Variants in PAH observed in about 807,000 individuals in gnomAD.
The protein encoded by PAH is phenylalanine hydroxylase.
Under a neutral mutation model 62.0 loss-of-function variants are expected in PAH, and 64 were observed. The ratio of observed to expected loss-of-function variants is 1.03; its 90% CI spans 0.84 to 1.27. The LOEUF (loss-of-function observed/expected upper bound fraction) is 1.27. PAH is among the 50% of genes most tolerant of loss of function. The pLI is 0.00. For missense variants in PAH, 579 were observed against 542.8 expected (o/e 1.07, Z -0.66); for synonymous variants, 195 against 196.2 (o/e 0.99, Z 0.05).
intron 3 of PAH, among the ~76,000 whole-genome samples, chr12:102,892,570 C>A (rs560180618): frequency 8.5e-5 from 13 of 152,268 alleles, no homozygotes; most frequent in African/African-American, 2.6e-4. Flanking sequence ...AATAAACAAA[C>A]TGTGGTACAT....
In PAH at chr12:102,866,658, A is replaced by G. The variant is rs770990005; in HGVS notation, c.447T>C (p.Phe149=). Residue 149 remains phenylalanine, a synonymous_variant, in exon 5 of 13, where the codon TTT becomes TTC. Transcript: ENST00000553106. ...GAELDADHPG[F]KDPVYRARRK... ...GTCTTGCACGGTACACAGGATCTTT[A>G]AAACCCTAGGAGAAAAGAGACACCT... 3 of 1,613,434 alleles carry G rather than the reference A, an allele frequency of 1.9e-6. No individual in the cohort carries two copies. Among genetic ancestry groups the G allele is most frequent in the South Asian group, 2.2e-5 (2 of 91,076 alleles).
rs1178260196 is a variant in PAH at position 102,895,867 on chromosome 12, AAAATAT to A, written c.169-955_169-950del. ...GAGACTCTGTCTCAAAAAAAAAAAA[AAAATAT>A]ATATATATATATATATATGTATATA... On this transcript the variant is annotated intron_variant, in intron 2 of 12. Transcript: ENST00000553106. Among the ~76,000 whole-genome samples the A allele has an allele frequency of 4.0e-5, 5 of 126,284 alleles. No homozygotes were observed. In the East Asian group the frequency reaches 8.2e-4, roughly 21 times the overall value. The allele number at this position is 126,284 out of a possible 152,430, so 82.8% of individuals were successfully genotyped here.
chr12:102,912,683 C>T, intron 2 of PAH, 108 bp downstream of exon 2: 1 of 828,178 alleles, frequency 1.2e-6, no homozygotes, highest in Admixed American at 1.8e-5. Flanking sequence ...AGCTCAAATT[C>T]AAATCTGCCT....
intron 3 of PAH, among the ~76,000 whole-genome samples, chr12:102,878,865 G>A (rs984315361): frequency 6.6e-6 from 1 of 152,080 alleles, no homozygotes; most frequent in Non-Finnish European, 1.5e-5. Flanking sequence ...CCCCTCTTGC[G>A]CGGGTAAGAA....
chr12:102,865,699 C>T (rs1356330891), intron 5 of PAH, among the ~76,000 whole-genome samples: 2 of 152,286 alleles, frequency 1.3e-5, no homozygotes, highest in African/African-American at 2.4e-5. Flanking sequence ...AAAGACAGCA[C>T]ATTTTTGAAT....
At chr12:102,895,865 AAAAAAT>A (rs796122539) in intron 2 of PAH, among the ~76,000 whole-genome samples, 80 of 129,502 alleles carry the variant, frequency 6.2e-4, no homozygotes, top group South Asian at 5.5e-3. Context: ...AAAAAAAAAA[AAAAAAT>A]ATATATATAT....
intron 1 of PAH, chr12:102,946,675 TC>T: frequency 6.5e-6 from 1 of 152,768 alleles, no homozygotes; most frequent in South Asian, 2.1e-4. Flanking sequence ...TTCAAGACTG[TC>T]TTTTCTACCT....
rs62644467 is a variant in PAH at position 102,840,478 on chromosome 12, G to A, written c.1237C>T (p.Arg413Cys). 43 of 1,613,832 alleles carry A rather than the reference G, an allele frequency of 2.7e-5. No individual in the cohort carries two copies. Among genetic ancestry groups the A allele is most frequent in the Admixed American group, 6.7e-5 (4 of 59,990 alleles). Residue 413 changes from arginine (R) to cysteine (C), a missense_variant, in exon 12 of 13, where the codon CGC becomes TGC. Arg to Cys is a radical substitution (Grantham distance 180). Coordinates refer to ENST00000553106, the MANE Select transcript of PAH (RefSeq NM_000277.3). ...ATCCTTTGGGTGTATGGGTCGTAGC[G>A]AACTGAGAAGGGCCGAGGTATTGTG... ...AATIPRPFSVRYDPYTQRIEV... is the reference protein window; with the variant it reads ...AATIPRPFSVCYDPYTQRIEV...
At chr12:102,878,994 C>G (rs1222900102) in intron 3 of PAH, among the ~76,000 whole-genome samples, 1 of 152,082 alleles carries the variant, frequency 6.6e-6, no homozygotes, top group Non-Finnish European at 1.5e-5. Flanking sequence ...GAAGTGAGTG[C>G]AAGGCTTCCA....
chr12:102,838,887 A>T lies in PAH; in HGVS notation c.*288T>A, dbSNP rs1207315711. 2 of 462,192 alleles carry T rather than the reference A, an allele frequency of 4.3e-6. No individual in the cohort carries two copies. Among genetic ancestry groups the T allele is most frequent in the African/African-American group, 2.0e-5 (1 of 51,042 alleles). The allele number at this position is 462,192 out of a possible 1,614,324, so 28.6% of individuals were successfully genotyped here. ...ATGAAGCAGGTCCCAAATTTTAATT[A>T]ATCTTGATGAAATGCGACAGATTAC... On this transcript the variant is annotated 3_prime_UTR_variant, in exon 13 of 13. Transcript: ENST00000553106.
intron 6 of PAH, chr12:102,853,430 G>A (rs926970048): frequency 4.5e-6 from 1 of 221,418 alleles, no homozygotes; most frequent in African/African-American, 2.3e-5. Context: ...CCCATAAGTA[G>A]CAGTGACCTG....
intron 5 of PAH, among the ~76,000 whole-genome samples, chr12:102,855,845 C>A (rs904529472): frequency 1.3e-5 from 2 of 152,024 alleles, no homozygotes; most frequent in African/African-American, 4.8e-5. Flanking sequence ...ATGTAGGCCA[C>A]GAATCTGAGA....
At chr12:102,911,684 T>C (rs1016285337) in intron 2 of PAH, among the ~76,000 whole-genome samples, 1 of 152,232 alleles carries the variant, frequency 6.6e-6, no homozygotes, top group African/African-American at 2.4e-5. Flanking sequence ...TTTCTCTTCC[T>C]TACAATTTCT....
rs891156232 is a variant in PAH, at chr12:102,957,168, A to C, written c.-96+1027T>G. Among the ~76,000 whole-genome samples, 2 of 152,312 alleles carry C rather than the reference A, an allele frequency of 1.3e-5. No homozygotes were observed. The highest frequency in any genetic ancestry group is 1.3e-4 in the Admixed American group (2 of 15,304). The stretch of plus-strand genomic sequence containing the variant: ...GAGAGAGAGAAAACAGGAAAAGTCG[A>C]GCCCCACTCCCTCCTCACCTCCACA... On this transcript the variant is annotated intron_variant, in intron 1 of 4. Coordinates refer to the PAH transcript ENST00000551337. The surrounding 1 kb of genome is among the most constrained non-coding windows in gnomAD (Gnocchi z 4.1).
chr12:102,853,829 AT>A (rs1430404264), intron 6 of PAH, among the ~76,000 whole-genome samples: 1 of 152,198 alleles, frequency 6.6e-6, no homozygotes, highest in African/African-American at 2.4e-5. Context: ...TACTTTAGAT[AT>A]GCTACTAATC....
At chr12:102,850,028 C>T (rs2136643219) in intron 8 of PAH, among the ~76,000 whole-genome samples, 1 of 152,300 alleles carries the variant, frequency 6.6e-6, no homozygotes, top group Non-Finnish European at 1.5e-5. Context: ...AGGAGGACTG[C>T]CACTTAGCCT....
In PAH at chr12:102,917,198, A is replaced by T. The variant is rs1336006234; in HGVS notation, c.-68T>A. 2.7e-5 allele frequency: 38 copies of T among 1,410,794 alleles called. No homozygotes were observed. The highest frequency in any genetic ancestry group is 3.7e-5 in the Non-Finnish European group (37 of 996,250). The allele number at this position is 1,410,794 out of a possible 1,614,324, so 87.4% of individuals were successfully genotyped here. A position where few individuals can be genotyped will look rare whatever the true frequency, so the allele number is the denominator to read the frequency against. On this transcript the variant is annotated 5_prime_UTR_variant, in exon 1 of 13. Coordinates refer to ENST00000553106, the MANE Select transcript of PAH (RefSeq NM_000277.3). Reference sequence around the variant, plus strand: ...AGGTACAGGCAGGTTTGCAAACAGCACGTGGGGCTGAAGGTTTTAACCTCG... The same window carrying T: ...AGGTACAGGCAGGTTTGCAAACAGCTCGTGGGGCTGAAGGTTTTAACCTCG...
At position 102,837,626 on chromosome 12, in the gene PAH, C is replaced by T. The variant is rs1423965970; in HGVS notation, c.*1549G>A. 6.6e-6 allele frequency: 1 copy of T among 152,116 alleles called. No individual in the cohort carries two copies. The highest frequency in any genetic ancestry group is 1.5e-5 in the Non-Finnish European group (1 of 68,016). The allele number at this position is 152,116 out of a possible 1,614,324, so 9.4% of individuals were successfully genotyped here. On this transcript the variant is annotated 3_prime_UTR_variant, in exon 13 of 13. Coordinates refer to ENST00000553106, the MANE Select transcript of PAH (RefSeq NM_000277.3). ...TATATAAGCAGGTATTGTAACACCCCATCAGTGGATCAGGCATAGCTATAT... is the reference window on the plus strand; with the variant it reads ...TATATAAGCAGGTATTGTAACACCCTATCAGTGGATCAGGCATAGCTATAT...
intron 7 of PAH, 118 bp downstream of exon 7, chr12:102,852,697 A>G: frequency 7.9e-7 from 1 of 1,258,410 alleles, no homozygotes; most frequent in Non-Finnish European, 1.2e-6. Flanking sequence ...CTACCAGCAA[A>G]CAGTCTAGAC....
Sources: gnomAD v4.1 joint callset for allele counts (sites outside exome capture counted in the v4.1 genomes callset) on GRCh38, gnomAD v4.1.1 for gene constraint, Gnocchi (gnomAD v3.1) non-coding constraint, MANE v1.5 for transcripts, NCBI Gene and HGNC (gene_info 2026-07-23, HGNC 2026-07-21) for gene names.